Variants in CD163L1 observed in about 807,000 individuals in gnomAD.
CD163L1 encodes CD163 molecule like 1.
CD163L1 carries 124 observed loss-of-function variants against 165.4 expected under a neutral mutation model. The ratio of observed to expected loss-of-function variants is 0.75; its 90% CI spans 0.65 to 0.87. The LOEUF is 0.87. Ranked by LOEUF, CD163L1 falls within the 40% of genes least tolerant of loss-of-function variation. CD163L1 has a pLI of 0.00. For synonymous variants in CD163L1, 585 were observed against 662.2 expected, an observed-to-expected ratio of 0.88 and a Z score of 1.79; for missense variants, 1,525 against 1,799.9, an observed-to-expected ratio of 0.85 and a Z score of 2.76.
intron 18 of CD163L1, among the ~76,000 whole-genome samples, chr12:7,366,065 T>C (rs1947012378): frequency 6.6e-6 from 1 of 152,114 alleles, no homozygotes; most frequent in Admixed American, 6.5e-5. Flanking sequence ...CACACATTTT[T>C]AGCCATAAAA....
intron 2 of CD163L1, among the ~76,000 whole-genome samples, chr12:7,434,714 GAGAC>G (rs984792833): frequency 4.8e-4 from 71 of 148,706 alleles, no homozygotes; most frequent in African/African-American, 1.7e-3. Context: ...GAAAGAGAGA[GAGAC>G]AGACAGAGAC....
the CD163L1 span, chr12:7,328,475 T>C: frequency 1.1e-6 from 1 of 931,340 alleles, no homozygotes; most frequent in Non-Finnish European, 1.5e-6. Flanking sequence ...TTAAGATCTT[T>C]CCTGCTTGAA....
At chr12:7,421,068 TATATAC>T (rs1948356220) in intron 4 of CD163L1, among the ~76,000 whole-genome samples, 1 of 111,144 alleles carries the variant, frequency 9.0e-6, no homozygotes, top group African/African-American at 4.4e-5. Flanking sequence ...TATATATGTA[TATATAC>T]GTATATATAT....
chr12:7,391,688 T>C (rs1251890239), intron 8 of CD163L1, among the ~76,000 whole-genome samples: 1 of 152,002 alleles, frequency 6.6e-6, no homozygotes, highest in African/African-American at 2.4e-5. Context: ...CCCATCACCT[T>C]CAGAGACACA....
the CD163L1 span, among the ~76,000 whole-genome samples, chr12:7,337,034 G>C: frequency 6.6e-6 from 1 of 152,124 alleles, no homozygotes; most frequent in African/African-American, 2.4e-5. Flanking sequence ...AGAACCATCT[G>C]ATCTTCCACA....
At chr12:7,348,303 A>T (rs1456307453) in intron 4 of CD163L1, among the ~76,000 whole-genome samples, 5 of 152,242 alleles carry the variant, frequency 3.3e-5, no homozygotes. Context: ...TCACATGATC[A>T]TAACTAGTTG....
At chr12:7,345,209 T>C (rs11052220), downstream of CD163L1, among the ~76,000 whole-genome samples, 1,304 of 152,020 alleles carry the variant, frequency 8.6e-3, 17 homozygotes, top group African/African-American at 0.03. Context: ...CTCTTTTAAA[T>C]ATAAATTACA....
rs775333119 is a variant in CD163L1, at chr12:7,441,249, G to A, written c.32-3C>T. 2 of 1,610,866 alleles carry A rather than the reference G, an allele frequency of 1.2e-6. No homozygotes were observed. The highest frequency in any genetic ancestry group is 3.3e-5 in the Admixed American group (2 of 59,964). On this transcript the variant is annotated splice_region_variant and splice_polypyrimidine_tract_variant and intron_variant, in intron 1 of 19. Transcript: ENST00000313599. ...ATGACAGCAGCATCTTCCAAAATCT[G>A]GAGAAACAAAATATAGCAGGGTAGA...
intron 18 of CD163L1, among the ~76,000 whole-genome samples, chr12:7,361,058 T>C (rs1946880737): frequency 6.6e-6 from 1 of 152,180 alleles, no homozygotes; most frequent in African/African-American, 2.4e-5. Flanking sequence ...GTGGTTTATT[T>C]AGTGTCAATT....
chr12:7,439,680 A>G, intron 2 of CD163L1: 1 of 1,612,892 alleles, frequency 6.2e-7, no homozygotes, highest in Non-Finnish European at 8.5e-7. Context: ...TAAATTCAAG[A>G]AGCACTTCTT....
At chr12:7,361,089 A>G (rs954657360) in intron 18 of CD163L1, among the ~76,000 whole-genome samples, 1 of 152,130 alleles carries the variant, frequency 6.6e-6, no homozygotes, top group Middle Eastern at 3.4e-3. Flanking sequence ...AGACTTTGCT[A>G]TTCTGTTTGG....
chr12:7,333,017 G>C, the CD163L1 span, among the ~76,000 whole-genome samples: 1 of 152,150 alleles, frequency 6.6e-6, no homozygotes, highest in East Asian at 1.9e-4. Flanking sequence ...TGACCCATCA[G>C]TGTGCTGTAT....
intron 2 of CD163L1, among the ~76,000 whole-genome samples, chr12:7,436,294 A>G (rs762281233): frequency 6.6e-6 from 1 of 152,344 alleles, no homozygotes; most frequent in East Asian, 1.9e-4. Context: ...AATTTAAAGC[A>G]TTTTAAAAAG....
chr12:7,440,905 G>GCCTGAGCC (rs913498450), intron 2 of CD163L1, among the ~76,000 whole-genome samples: 2 of 152,150 alleles, frequency 1.3e-5, no homozygotes, highest in Non-Finnish European at 2.9e-5. Context: ...GAGATTACAG[G>GCCTGAGCC]CCTGAGCCAC....
At chr12:7,409,863 A>G (rs1948099063) in intron 4 of CD163L1, among the ~76,000 whole-genome samples, 1 of 152,220 alleles carries the variant, frequency 6.6e-6, no homozygotes, top group African/African-American at 2.4e-5. Context: ...TGAATTGTGC[A>G]TCTTACTCTC....
At chr12:7,401,330 T>C (rs1947912051) in intron 6 of CD163L1, among the ~76,000 whole-genome samples, 1 of 151,988 alleles carries the variant, frequency 6.6e-6, no homozygotes, top group Admixed American at 6.6e-5. Flanking sequence ...TCAGTTATTC[T>C]AAAATATGAA....
At chr12:7,370,836 T>C (rs774944475) in intron 14 of CD163L1, among the ~76,000 whole-genome samples, 4 of 152,212 alleles carry the variant, frequency 2.6e-5, no homozygotes, top group South Asian at 2.1e-4. Context: ...GAGTGCATCA[T>C]TGAATGGCCT....
At chr12:7,409,668 G>A (rs944856248) in intron 4 of CD163L1, among the ~76,000 whole-genome samples, 7 of 152,150 alleles carry the variant, frequency 4.6e-5, no homozygotes, top group African/African-American at 1.2e-4. Flanking sequence ...TTTACAGCCC[G>A]GGGGTTGGAG....
the CD163L1 span, among the ~76,000 whole-genome samples, chr12:7,336,684 G>A: frequency 6.6e-6 from 1 of 151,640 alleles, no homozygotes; most frequent in Non-Finnish European, 1.5e-5. Flanking sequence ...AGAAAAAGAG[G>A]ACACAAACAA....
Sources: allele counts gnomAD v4.1 joint callset (sites outside exome capture counted in the v4.1 genomes callset), GRCh38; gene constraint gnomAD v4.1.1; transcripts MANE v1.5; gene names NCBI Gene and HGNC (gene_info 2026-07-23, HGNC 2026-07-21).